NCKAP1: variants seen among roughly 807,000 people sequenced by gnomAD.
NCKAP1 encodes nck-associated protein 1.
A neutral mutation model predicts 151.2 loss-of-function variants in NCKAP1; 21 were observed. The observed-to-expected ratio is 0.14, with a 90% CI of 0.10 to 0.20. NCKAP1 has a LOEUF of 0.20. Among genes scored for constraint, NCKAP1 ranks in the 10% least tolerant of loss-of-function variants. The pLI, the probability that NCKAP1 is intolerant of heterozygous loss-of-function variation, is 1.00. For synonymous variants in NCKAP1, 484 were observed against 451.8 expected, an observed-to-expected ratio of 1.07 and a Z score of -0.90; for missense variants, 933 against 1,352.1, an observed-to-expected ratio of 0.69 and a Z score of 4.86.
chr2:182,971,693 T>C (rs1005424349), intron 15 of NCKAP1, among the ~76,000 whole-genome samples: 3 of 151,996 alleles, frequency 2.0e-5, no homozygotes, highest in African/African-American at 7.2e-5. Context: ...CAAAACAGTA[T>C]GGTGTTGGCA....
At chr2:182,995,963 T>C (rs765137589) in intron 6 of NCKAP1, 125 bp from the exon 7 acceptor site, 11 of 832,198 alleles carry the variant, frequency 1.3e-5, no homozygotes, top group East Asian at 2.7e-5. Flanking sequence ...ATTATACCCA[T>C]GCTCCTTATA....
At chr2:182,957,647 C>A in intron 18 of NCKAP1, 51 bp from the exon 19 acceptor site, 1 of 1,563,240 alleles carries the variant, frequency 6.4e-7, no homozygotes, top group Non-Finnish European at 8.7e-7. Flanking sequence ...ACTCTGAAAG[C>A]ATACTAACTA....
At chr2:182,939,944 T>C (rs763931402) in intron 24 of NCKAP1, among the ~76,000 whole-genome samples, 1 of 152,110 alleles carries the variant, frequency 6.6e-6, no homozygotes, top group Non-Finnish European at 1.5e-5. Context: ...GGCCAATGAG[T>C]TAGAGGTAAT....
intron 1 of NCKAP1, among the ~76,000 whole-genome samples, chr2:183,029,821 G>GAAAA (rs71405500): frequency 2.6e-4 from 13 of 50,548 alleles, no homozygotes; most frequent in Admixed American, 4.5e-4. Flanking sequence ...ACCCTGACTC[G>GAAAA]AAAAAAAAAA....
At chr2:183,010,351 T>C (rs1034546903) in intron 2 of NCKAP1, among the ~76,000 whole-genome samples, 5 of 152,184 alleles carry the variant, frequency 3.3e-5, no homozygotes, top group Non-Finnish European at 7.3e-5. Context: ...TCGTATCACA[T>C]AGAGAAAGGG....
At chr2:183,003,100 T>C (rs2105876269) in intron 3 of NCKAP1, 70 bp from the exon 4 acceptor site, 4 of 1,404,208 alleles carry the variant, frequency 2.8e-6, no homozygotes, top group East Asian at 2.4e-5. Context: ...CACAAACAAA[T>C]AAGGTATGTG....
chr2:182,991,650 G>C (rs1488810607), intron 8 of NCKAP1, among the ~76,000 whole-genome samples: 1 of 149,494 alleles, frequency 6.7e-6, no homozygotes, highest in Non-Finnish European at 1.5e-5. Context: ...CCAAAATTAG[G>C]ATGAAAGGAC....
At chr2:183,016,876 G>A (rs180885229) in intron 2 of NCKAP1, among the ~76,000 whole-genome samples, 21 of 152,224 alleles carry the variant, frequency 1.4e-4, no homozygotes, top group Admixed American at 6.5e-4. Context: ...CATTTGTCCC[G>A]GCAGGAAATG....
chr2:183,015,450 T>A (rs575565947), intron 2 of NCKAP1, among the ~76,000 whole-genome samples: 1 of 151,436 alleles, frequency 6.6e-6, no homozygotes, highest in East Asian at 1.9e-4. Flanking sequence ...AGATTGATGT[T>A]AGAAGACAGA....
At chr2:182,930,346 T>G (rs1696736908) in intron 27 of NCKAP1, among the ~76,000 whole-genome samples, 1 of 152,032 alleles carries the variant, frequency 6.6e-6, no homozygotes, top group African/African-American at 2.4e-5. Flanking sequence ...TTTCTTCTAC[T>G]TCATTGGTCC....
rs1575003386 is a variant in NCKAP1 at position 182,909,914 on chromosome 2, A to G, written c.*15788T>C. The G allele has an allele frequency of 6.6e-6, 1 of 152,182 alleles. No homozygotes were observed. Among genetic ancestry groups the G allele is most frequent in the South Asian group, 2.1e-4 (1 of 4,824 alleles). 9.4% of individuals were successfully genotyped at this position (152,182 alleles called of 1,614,324 possible). A position where few individuals can be genotyped will look rare whatever the true frequency, so the allele number is the denominator to read the frequency against. ...AATAGCCTCCTGATCCAAGGCCACA[A>G]ATTCTGTCACATTTGGTGTTCAGAC... On this transcript the variant is annotated 3_prime_UTR_variant, in exon 31 of 31. Coordinates refer to ENST00000361354, the MANE Select transcript of NCKAP1 (RefSeq NM_013436.5).
chr2:183,030,919 T>G lies in NCKAP1; in HGVS notation c.109-7003A>C, dbSNP rs529977403. Among the ~76,000 whole-genome samples, 46 of 152,300 alleles carry G rather than the reference T, an allele frequency of 3.0e-4. 1 individual carries two copies. The highest frequency in any genetic ancestry group is 1.1e-3 in the African/African-American group (45 of 41,574). ...CGATTATTTTTTTCCTCCTGTGTTA[T>G]GATGTATATTTTGGCCAACCGATCT... On this transcript the variant is annotated intron_variant, in intron 1 of 30. Coordinates refer to ENST00000361354, the MANE Select transcript of NCKAP1 (RefSeq NM_013436.5).
At chr2:183,018,501 CATGT>C (rs1698737583) in intron 2 of NCKAP1, among the ~76,000 whole-genome samples, 1 of 152,092 alleles carries the variant, frequency 6.6e-6, no homozygotes, top group South Asian at 2.1e-4. Flanking sequence ...ACAGTGCATG[CATGT>C]GTCAAGGGCC....
At chr2:182,974,809 G>A (rs1229688277) in intron 15 of NCKAP1, among the ~76,000 whole-genome samples, 1 of 151,766 alleles carries the variant, frequency 6.6e-6, no homozygotes, top group Non-Finnish European at 1.5e-5. Flanking sequence ...ACACAAGTAG[G>A]TATAGATTAC....
At chr2:182,981,680 G>A (rs890511061) in intron 12 of NCKAP1, among the ~76,000 whole-genome samples, 2 of 151,908 alleles carry the variant, frequency 1.3e-5, no homozygotes, top group Non-Finnish European at 1.5e-5. Context: ...AGGCCAAAGC[G>A]GGCTGATCAC....
intron 23 of NCKAP1, among the ~76,000 whole-genome samples, chr2:182,942,534 C>A (rs1697017851): frequency 6.6e-6 from 1 of 151,868 alleles, no homozygotes; most frequent in Non-Finnish European, 1.5e-5. Context: ...AAAGTTAAAC[C>A]TGGCCAAAGG....
At chr2:183,002,442 A>G (rs1698391624) in intron 4 of NCKAP1, among the ~76,000 whole-genome samples, 173 bp from the exon 5 acceptor site, 1 of 152,146 alleles carries the variant, frequency 6.6e-6, no homozygotes, top group African/African-American at 2.4e-5. Context: ...ACAGTTACAG[A>G]TAACAGTTTT....
At chr2:182,959,131 T>C (rs1037185531) in intron 18 of NCKAP1, among the ~76,000 whole-genome samples, 1 of 152,248 alleles carries the variant, frequency 6.6e-6, no homozygotes, top group Non-Finnish European at 1.5e-5. Flanking sequence ...TTAGTCATTA[T>C]ACCTAGATAG....
intron 2 of NCKAP1, among the ~76,000 whole-genome samples, chr2:183,016,790 T>G (rs891938392): frequency 1.3e-4 from 19 of 150,474 alleles, no homozygotes; most frequent in Admixed American, 1.3e-3. Flanking sequence ...CTGGTGGAGG[T>G]TGGAGGGAGG....
Sources: gnomAD v4.1 joint callset for allele counts (sites outside exome capture counted in the v4.1 genomes callset) on GRCh38, gnomAD v4.1.1 for gene constraint, MANE v1.5 for transcripts, NCBI Gene and HGNC (gene_info 2026-07-23, HGNC 2026-07-21) for gene names.